The following MSH5 variants were observed in gnomAD, a reference collection of about 807,000 sequenced individuals.
MSH5 encodes mutS homolog 5, also known as mutS protein homolog 5.
A neutral mutation model predicts 107.7 loss-of-function variants in MSH5; 78 were observed. The ratio of observed to expected loss-of-function variants is 0.72; its 90% confidence interval spans 0.60 to 0.87. The LOEUF is 0.87. Ranked by LOEUF, MSH5 falls within the 40% of genes least tolerant of loss-of-function variation. The probability of loss-of-function intolerance (pLI) is 0.00; values close to 1 mark genes in which losing one functional copy is unlikely to be tolerated. For missense variants in MSH5, 889 were observed against 1,046.6 expected, an observed-to-expected ratio of 0.85 and a Z score of 2.08; for synonymous variants, 326 against 399.5, an observed-to-expected ratio of 0.82 and a Z score of 2.19.
intron 10 of MSH5, among the ~76,000 whole-genome samples, chr6:31,749,004 C>T (rs1809719632): frequency 6.6e-6 from 1 of 150,844 alleles, no homozygotes; most frequent in Non-Finnish European, 1.5e-5. Context: ...CAACCTCCAC[C>T]TCCCAGGTTC....
At chr6:31,745,397 C>T in intron 9 of MSH5, 78 bp downstream of exon 9, 3 of 989,920 alleles carry the variant, frequency 3.0e-6, no homozygotes, top group Non-Finnish European at 4.8e-6. Flanking sequence ...GTGTCCCAGC[C>T]TCCCTTCCCA....
chr6:31,752,523 C>T (rs1246460821), intron 10 of MSH5, among the ~76,000 whole-genome samples: 1 of 152,138 alleles, frequency 6.6e-6, no homozygotes, highest in African/African-American at 2.4e-5. Flanking sequence ...AGATCGAGAT[C>T]ATTCTGGCCA....
At chr6:31,757,205 C>T (rs1028323912) in intron 12 of MSH5, among the ~76,000 whole-genome samples, 4 of 152,196 alleles carry the variant, frequency 2.6e-5, no homozygotes, top group Non-Finnish European at 2.9e-5. Context: ...AGTGCAGTGG[C>T]GCGATCTCGG....
In MSH5 at chr6:31,760,848, G is replaced by A. The variant is rs756052995; in HGVS notation, c.1962+9G>A. On this transcript the variant is annotated intron_variant, in intron 20 of 24. Transcript: ENST00000375750. The surrounding 1 kb of genome is among the most constrained non-coding windows in gnomAD (Gnocchi z 5.6). ...TGATCGACCTCAACCAGGTCAAAGG[G>A]AACAAAGGGAGGTGGGATTGAGGAA... 6.8e-6 allele frequency: 11 copies of A among 1,610,468 alleles called. No homozygotes were observed. In the South Asian group the frequency reaches 7.7e-5, roughly 11 times the overall value.
rs780820087 is a variant in MSH5, at chr6:31,761,589, C to T, written c.2155C>T (p.Pro719Ser). ...GAGCCTTGTTCAGCTACAACTGCTG[C>T]CACAAGGGCCCCTGGTGCAGTATTT... ...FLSLVQLQLL[P>S]QGPLVQYLTM... Residue 719 changes from proline (P) to serine (S), a missense_variant, in exon 22 of 25, where the codon CCA becomes TCA. By Grantham distance (74) the Pro-to-Ser change is moderately conservative. Transcript: ENST00000375750. The surrounding 1 kb of genome is among the most constrained non-coding windows in gnomAD (Gnocchi z 5.3). The T allele has an allele frequency of 3.7e-6, 6 of 1,614,146 alleles. No homozygotes were observed. The Admixed American group carries it at 5.0e-5, about 13-fold the overall frequency.
At chr6:31,746,653 G>A (rs1206463163) in intron 9 of MSH5, among the ~76,000 whole-genome samples, 2 of 151,944 alleles carry the variant, frequency 1.3e-5, no homozygotes, top group East Asian at 1.9e-4. Flanking sequence ...GTTTCGCCAT[G>A]TTGCCCAGGC....
Position 31,740,642 on chromosome 6 carries a change from G to A in MSH5, c.147+29G>A. On this transcript the variant is annotated intron_variant, in intron 2 of 24. Coordinates refer to ENST00000375750, the MANE Select transcript of MSH5 (RefSeq NM_172166.4). This position sits in a 1 kb window ranked among gnomAD's most constrained non-coding sequence, Gnocchi z 4.4. ...TCTGAGGGGAGTAGAAACTTGAATGGAGAGTTGATGGGAAGTTAGAATAAA... is the reference window on the plus strand; with the variant it reads ...TCTGAGGGGAGTAGAAACTTGAATGAAGAGTTGATGGGAAGTTAGAATAAA... The A allele has an allele frequency of 6.8e-7, 1 of 1,466,212 alleles. No individual in the cohort carries two copies. Among genetic ancestry groups the A allele is most frequent in the Non-Finnish European group, 9.0e-7 (1 of 1,109,108 alleles). 90.8% of individuals were successfully genotyped at this position (1,466,212 alleles called of 1,614,324 possible).
intron 5 of MSH5, 135 bp from the exon 6 acceptor site, chr6:31,743,769 T>G (rs946941097): frequency 8.3e-6 from 11 of 1,317,632 alleles, no homozygotes; most frequent in Non-Finnish European, 1.0e-5. Flanking sequence ...TGGTTCTTGC[T>G]CTAGCTTTCC....
At position 31,758,294 on chromosome 6, in the gene MSH5, G is replaced by C. The variant is rs1282804222; in HGVS notation, c.1143+1G>C. 6.2e-7 allele frequency: 1 copy of C among 1,612,778 alleles called. No homozygotes were observed. Among genetic ancestry groups the C allele is most frequent in the East Asian group, 2.2e-5 (1 of 44,884 alleles). ...TATCGCCAGCCTCATTGGGAAAGTA[G>C]TGAGTAGAAGGAAAAAGGGAGTGCA... On this transcript the variant is annotated splice_donor_variant, in intron 13 of 24. Coordinates refer to ENST00000375750, the MANE Select transcript of MSH5 (RefSeq NM_172166.4). LOFTEE classifies it high-confidence loss of function. This position sits in a 1 kb window ranked among gnomAD's most constrained non-coding sequence, Gnocchi z 5.1.
At position 31,758,746 on chromosome 6, in the gene MSH5, C is replaced by T. The variant is rs749208488; in HGVS notation, c.1217-20C>T. On this transcript the variant is annotated intron_variant, in intron 14 of 24. Transcript: ENST00000375750. This position sits in a 1 kb window ranked among gnomAD's most constrained non-coding sequence, Gnocchi z 5.1. ...GCAGGAGACTCACTTTTGATAACCA[C>T]GTGTCTTCCACCCTCGTAGAAAAGC... 8 of 1,611,856 alleles carry T rather than the reference C, an allele frequency of 5.0e-6. No individual in the cohort carries two copies. Among genetic ancestry groups the T allele is most frequent in the South Asian group, 1.1e-5 (1 of 91,036 alleles).
intron 10 of MSH5, 146 bp from the exon 11 acceptor site, chr6:31,753,155 A>G: frequency 2.1e-6 from 2 of 969,038 alleles, no homozygotes; most frequent in Non-Finnish European, 3.1e-6. Context: ...AATGGGTAGG[A>G]CACTGCACTT....
At position 31,760,599 on chromosome 6, in the gene MSH5, T is replaced by C; in HGVS notation, c.1813-91T>C. Reference sequence around the variant, plus strand: ...TATTTCTCCTGTTTCACCCTGTCCATTTCTCTTTGATGTGCCATTCATGCC... The same window carrying C: ...TATTTCTCCTGTTTCACCCTGTCCACTTCTCTTTGATGTGCCATTCATGCC... On this transcript the variant is annotated intron_variant, in intron 19 of 24. Transcript: ENST00000375750. The surrounding 1 kb of genome is among the most constrained non-coding windows in gnomAD (Gnocchi z 5.6). The C allele has an allele frequency of 6.6e-7, 1 of 1,524,886 alleles. No individual in the cohort carries two copies. The highest frequency in any genetic ancestry group is 9.1e-7 in the Non-Finnish European group (1 of 1,102,726). 94.5% of individuals were successfully genotyped at this position (1,524,886 alleles called of 1,614,324 possible).
At position 31,762,187 on chromosome 6, in the gene MSH5, T is replaced by A; in HGVS notation, c.2393+2T>A. ...GCTAAAGAAGAACCAAATGGAAAAGTGCGTATATGGCCCCAGTGTCTTTAC... is the reference window on the plus strand; with the variant it reads ...GCTAAAGAAGAACCAAATGGAAAAGAGCGTATATGGCCCCAGTGTCTTTAC... On this transcript the variant is annotated splice_donor_variant, in intron 24 of 24. Transcript: ENST00000375750. LOFTEE classifies it high-confidence loss of function. 6.2e-7 allele frequency: 1 copy of A among 1,614,124 alleles called. No individual in the cohort carries two copies. The highest frequency in any genetic ancestry group is 1.7e-5 in the Admixed American group (1 of 60,014).
chr6:31,743,849 G>C (rs1419945880), intron 5 of MSH5, 55 bp from the exon 6 acceptor site: 44 of 1,592,764 alleles, frequency 2.8e-5, no homozygotes, highest in Non-Finnish European at 3.2e-5. Flanking sequence ...TTCTTAAAAT[G>C]GGGTGAAAAA....
intron 10 of MSH5, among the ~76,000 whole-genome samples, chr6:31,752,705 C>G (rs1305912744): frequency 1.5e-5 from 2 of 134,486 alleles, no homozygotes; most frequent in Non-Finnish European, 3.1e-5. Context: ...GGCGACAAAG[C>G]GAGACTCTGT....
rs761240095 is a variant in MSH5, at chr6:31,740,624, G to A, written c.147+11G>A. On this transcript the variant is annotated intron_variant, in intron 2 of 24. Coordinates refer to ENST00000375750, the MANE Select transcript of MSH5 (RefSeq NM_172166.4). This position sits in a 1 kb window ranked among gnomAD's most constrained non-coding sequence, Gnocchi z 4.4. ...GAGGAGCTGGCCGAGGTCTCTGAGGGGAGTAGAAACTTGAATGGAGAGTTG... is the reference window on the plus strand; with the variant it reads ...GAGGAGCTGGCCGAGGTCTCTGAGGAGAGTAGAAACTTGAATGGAGAGTTG... 398 of 1,487,004 alleles carry A rather than the reference G, an allele frequency of 2.7e-4. No individual in the cohort carries two copies. The highest frequency in any genetic ancestry group is 3.3e-4 in the Non-Finnish European group (365 of 1,121,084). 92.1% of individuals were successfully genotyped at this position (1,487,004 alleles called of 1,614,324 possible). A position where few individuals can be genotyped will look rare whatever the true frequency, so the allele number is the denominator to read the frequency against.
chr6:31,756,362 G>A (rs538699942), intron 12 of MSH5, among the ~76,000 whole-genome samples: 1 of 152,080 alleles, frequency 6.6e-6, no homozygotes, highest in African/African-American at 2.4e-5. Flanking sequence ...AGTAGAGACG[G>A]GATTTCACCA....
At chr6:31,749,280 G>T (rs140828957) in intron 10 of MSH5, among the ~76,000 whole-genome samples, 3 of 152,144 alleles carry the variant, frequency 2.0e-5, no homozygotes, top group African/African-American at 7.2e-5. Flanking sequence ...GGTGGCTCAC[G>T]CCTGTAGTCT....
At chr6:31,755,090 A>G (rs1028509373) in intron 12 of MSH5, among the ~76,000 whole-genome samples, 1 of 152,094 alleles carries the variant, frequency 6.6e-6, no homozygotes, top group Admixed American at 6.5e-5. Flanking sequence ...ATTATTTTTT[A>G]AAAAGAATAA....
Sources: gnomAD v4.1 joint callset for allele counts (sites outside exome capture counted in the v4.1 genomes callset) on GRCh38, gnomAD v4.1.1 for gene constraint, Gnocchi (gnomAD v3.1) non-coding constraint, MANE v1.5 for transcripts, NCBI Gene and HGNC (gene_info 2026-07-23, HGNC 2026-07-21) for gene names.